DNAJC12: variants seen among roughly 807,000 people sequenced by gnomAD.
The protein encoded by DNAJC12 is dnaJ homolog subfamily C member 12.
A neutral mutation model predicts 28.5 loss-of-function variants in DNAJC12; 25 were observed. That is an observed-to-expected ratio of 0.88 (90% confidence interval 0.64 to 1.22). DNAJC12 has a LOEUF of 1.22. DNAJC12 is among the 50% of genes most tolerant of loss of function. The pLI is 0.00. For missense variants in DNAJC12, 222 were observed against 231.7 expected (o/e 0.96, Z 0.27); for synonymous variants, 77 against 80.6 (o/e 0.95, Z 0.24).
intron 4 of DNAJC12, among the ~76,000 whole-genome samples, chr10:67,798,392 A>G (rs1177705839): frequency 6.6e-6 from 1 of 152,088 alleles, no homozygotes; most frequent in African/African-American, 2.4e-5. Flanking sequence ...AAGTCTAAAA[A>G]AAGAAGGCCC....
chr10:67,825,343 T>G (rs1420938816), intron 1 of DNAJC12: 2 of 152,264 alleles, frequency 1.3e-5, no homozygotes, highest in East Asian at 3.9e-4. Context: ...CAGGCTGAAG[T>G]GCAGTGGCTA....
chr10:67,815,508 C>CAAAAAAAAAA (rs762037586), intron 2 of DNAJC12, among the ~76,000 whole-genome samples: 9 of 65,762 alleles, frequency 1.4e-4, no homozygotes, highest in South Asian at 6.2e-4. Flanking sequence ...TACTTCGTCT[C>CAAAAAAAAAA]AAAAAAAAAA....
chr10:67,821,687 A>T (rs1176720065), intron 2 of DNAJC12, among the ~76,000 whole-genome samples: 1 of 152,208 alleles, frequency 6.6e-6, no homozygotes, highest in Non-Finnish European at 1.5e-5. Flanking sequence ...TTCCATAATT[A>T]AAAAGAAAAA....
chr10:67,834,427 A>G (rs759820159), intron 1 of DNAJC12, among the ~76,000 whole-genome samples: 11 of 152,228 alleles, frequency 7.2e-5, no homozygotes, highest in African/African-American at 1.2e-4. Context: ...ACCACAACTT[A>G]GCGCTCTGCA....
intron 4 of DNAJC12, among the ~76,000 whole-genome samples, chr10:67,803,284 C>T (rs1841766303): frequency 6.6e-6 from 1 of 152,146 alleles, no homozygotes; most frequent in African/African-American, 2.4e-5. Flanking sequence ...AAGCTGAGCC[C>T]ACATTCTTAA....
intron 2 of DNAJC12, among the ~76,000 whole-genome samples, chr10:67,821,753 G>C (rs1311917560): frequency 6.6e-6 from 1 of 152,102 alleles, no homozygotes; most frequent in East Asian, 1.9e-4. Flanking sequence ...GAAATGATGG[G>C]GGCTTACCTA....
Position 67,797,096 on chromosome 10 carries a change from T to G in DNAJC12, c.*20A>C. The stretch of plus-strand genomic sequence containing the variant: ...TAGGGGACAGTCTTGCTCTTCCTCA[T>G]TTTTTGAAGCAGAGATATTTCATAT... On this transcript the variant is annotated 3_prime_UTR_variant, in exon 5 of 5. Coordinates refer to ENST00000225171, the MANE Select transcript of DNAJC12 (RefSeq NM_021800.3). 6.2e-7 allele frequency: 1 copy of G among 1,600,266 alleles called. No homozygotes were observed. The highest frequency in any genetic ancestry group is 8.6e-7 in the Non-Finnish European group (1 of 1,168,930).
chr10:67,820,200 T>C (rs1217515487), intron 2 of DNAJC12, among the ~76,000 whole-genome samples: 1 of 152,104 alleles, frequency 6.6e-6, no homozygotes, highest in East Asian at 1.9e-4. Context: ...TAATTCTGAG[T>C]GGCTGAAACA....
At chr10:67,808,938 G>T (rs113659799) in intron 3 of DNAJC12, among the ~76,000 whole-genome samples, 3,446 of 152,266 alleles carry the variant, frequency 0.023, 139 homozygotes, top group African/African-American at 0.079. Context: ...GAAGCTTTCT[G>T]GATAGGTAGT....
At chr10:67,820,869 C>T (rs1374934812) in intron 2 of DNAJC12, among the ~76,000 whole-genome samples, 4 of 150,388 alleles carry the variant, frequency 2.7e-5, no homozygotes, top group Admixed American at 1.3e-4. Context: ...CCGCAACCTC[C>T]GCCTCCTAGG....
intron 4 of DNAJC12, among the ~76,000 whole-genome samples, chr10:67,799,681 G>A (rs886103376): frequency 2.0e-5 from 3 of 151,918 alleles, no homozygotes; most frequent in Non-Finnish European, 2.9e-5. Context: ...TTGGGAATTC[G>A]AGACCAGCCT....
intron 4 of DNAJC12, among the ~76,000 whole-genome samples, chr10:67,802,019 A>G (rs1841751865): frequency 6.6e-6 from 1 of 151,406 alleles, no homozygotes; most frequent in Non-Finnish European, 1.5e-5. Flanking sequence ...ACGCCAGCAT[A>G]CCTAGCTAAT....
intron 2 of DNAJC12, among the ~76,000 whole-genome samples, chr10:67,821,197 C>T (rs749007628): frequency 7.9e-5 from 12 of 152,092 alleles, no homozygotes; most frequent in East Asian, 5.8e-4. Context: ...ACATGCTATA[C>T]GCATATAGTA....
At chr10:67,826,938 T>C (rs1018831545) in intron 1 of DNAJC12, among the ~76,000 whole-genome samples, 2 of 134,244 alleles carry the variant, frequency 1.5e-5, no homozygotes, top group East Asian at 4.2e-4. Flanking sequence ...TATCATGATA[T>C]ATATAATATA....
intron 1 of DNAJC12, among the ~76,000 whole-genome samples, chr10:67,837,500 T>C (rs565872818): frequency 3.3e-5 from 5 of 152,258 alleles, no homozygotes; most frequent in South Asian, 2.1e-4. Context: ...ACTGCTCACA[T>C]AGGAGTACAC....
At chr10:67,802,946 C>T (rs1175839569) in intron 4 of DNAJC12, among the ~76,000 whole-genome samples, 1 of 151,236 alleles carries the variant, frequency 6.6e-6, no homozygotes, top group African/African-American at 2.4e-5. Flanking sequence ...AACATCCCCC[C>T]CCACACACAC....
rs780011729 is a variant in DNAJC12, at chr10:67,811,592, G to A, written c.229C>T (p.His77Tyr). 3.1e-6 allele frequency: 5 copies of A among 1,614,024 alleles called. No individual in the cohort carries two copies. Among genetic ancestry groups the A allele is most frequent in the Admixed American group, 1.7e-5 (1 of 60,000 alleles). Residue 77 changes from histidine to tyrosine, a missense_variant, in exon 3 of 5, where the codon CAC (histidine) becomes TAC (tyrosine). By Grantham distance (83) the His-to-Tyr change is moderately conservative (BLOSUM62 2). Coordinates refer to ENST00000225171, the MANE Select transcript of DNAJC12 (RefSeq NM_021800.3). ...ATCGACATCTGGCTCCTTCGCCAGT[G>A]GTCATAGCGGGCTCGACTCTCTTCA... is the stretch of plus-strand genomic sequence containing the variant. ...TNEESRARYD[H>Y]WRRSQMSMPF...
At chr10:67,822,044 A>G (rs1398289168) in intron 2 of DNAJC12, among the ~76,000 whole-genome samples, 6 of 152,218 alleles carry the variant, frequency 3.9e-5, no homozygotes. Context: ...GAAGCAGTCA[A>G]AACCACAGTC....
At chr10:67,824,424 T>C (rs183621590) in intron 1 of DNAJC12, among the ~76,000 whole-genome samples, 1 of 152,102 alleles carries the variant, frequency 6.6e-6, no homozygotes, top group East Asian at 1.9e-4. Flanking sequence ...TTTTGGTCTT[T>C]TTCTTTTATA....
Sources: gnomAD v4.1 joint callset for allele counts (sites outside exome capture counted in the v4.1 genomes callset) on GRCh38, gnomAD v4.1.1 for gene constraint, MANE v1.5 for transcripts, NCBI Gene and HGNC (gene_info 2026-07-23, HGNC 2026-07-21) for gene names.